Variants in SCP2 observed in about 807,000 individuals in gnomAD.
The protein encoded by SCP2 is sterol carrier protein 2, also known as SCP-2/3-oxoacyl-CoA thiolase.
SCP2 carries 48 observed loss-of-function variants against 71.4 expected under a neutral mutation model. That is an observed-to-expected ratio of 0.67 (90% CI 0.53 to 0.86). The LOEUF (loss-of-function observed/expected upper bound fraction) is 0.86. Among genes scored for constraint, SCP2 ranks in the 40% least tolerant of loss-of-function variants. The pLI, the probability that SCP2 is intolerant of heterozygous loss-of-function variation, is 0.00. For missense variants in SCP2, 560 were observed against 655.6 expected (o/e 0.85, Z 1.59); for synonymous variants, 220 against 218.1 (o/e 1.01, Z -0.08).
intron 11 of SCP2, among the ~76,000 whole-genome samples, chr1:53,005,198 C>T (rs1003374092): frequency 1.3e-5 from 2 of 152,188 alleles, no homozygotes; most frequent in East Asian, 1.9e-4. Context: ...CTTCTTGGGG[C>T]AGGGCATAGC....
intron 13 of SCP2, among the ~76,000 whole-genome samples, chr1:53,033,930 A>G: frequency 6.6e-6 from 1 of 152,176 alleles, no homozygotes; most frequent in East Asian, 1.9e-4. Flanking sequence ...TAAACAAAAC[A>G]TGTTACATCC....
chr1:53,036,019 CAA>C (rs35164089), intron 13 of SCP2, among the ~76,000 whole-genome samples: 50 of 63,286 alleles, frequency 7.9e-4, no homozygotes, highest in Admixed American at 4.5e-3. Context: ...GACTCCGTCT[CAA>C]AAAAAAAAAA....
chr1:52,991,477 T>G (rs188057152), intron 11 of SCP2, among the ~76,000 whole-genome samples: 2,112 of 152,250 alleles, frequency 0.014, 28 homozygotes, highest in Non-Finnish European at 0.017. Context: ...CTTGGCTCAC[T>G]GCAACCTCCG....
chr1:52,987,006 ATTTTT>A (rs1163545483), intron 10 of SCP2, among the ~76,000 whole-genome samples: 2,016 of 110,406 alleles, frequency 0.018, 37 homozygotes, highest in African/African-American at 0.068. Flanking sequence ...ATATATATAT[ATTTTT>A]TTTTTTTTTT....
At chr1:53,002,722 A>G (rs1660396177) in intron 11 of SCP2, among the ~76,000 whole-genome samples, 1 of 152,176 alleles carries the variant, frequency 6.6e-6, no homozygotes, top group Admixed American at 6.5e-5. Context: ...CACGTATATT[A>G]TTATTCTATC....
chr1:53,017,772 A>T (rs2150231905), intron 12 of SCP2, among the ~76,000 whole-genome samples: 1 of 152,376 alleles, frequency 6.6e-6, no homozygotes, highest in South Asian at 2.1e-4. Context: ...AAATAAAGAC[A>T]ACAAGAAGCA....
chr1:52,958,494 G>A (rs1656031231), intron 5 of SCP2, among the ~76,000 whole-genome samples: 1 of 152,120 alleles, frequency 6.6e-6, no homozygotes, highest in African/African-American at 2.4e-5. Context: ...GCCTCCTAAA[G>A]TGCTGGGATT....
In SCP2 at chr1:52,945,101, T is replaced by C. The variant is rs114586414; in HGVS notation, c.128-2908T>C. On this transcript the variant is annotated intron_variant, in intron 2 of 15. Transcript: ENST00000371514. Reference sequence around the variant, plus strand: ...AAAATTTTGACCCAGACCTAGTCACTATTAGTATCTTGGTGTTATTCTATT... The same window carrying C: ...AAAATTTTGACCCAGACCTAGTCACCATTAGTATCTTGGTGTTATTCTATT... Among the ~76,000 whole-genome samples the C allele has an allele frequency of 5.1e-3, 772 of 152,306 alleles. 4 individuals are homozygous for C. The highest frequency in any genetic ancestry group is 0.027 in the Middle Eastern group (8 of 294).
intron 11 of SCP2, among the ~76,000 whole-genome samples, chr1:53,002,902 A>G (rs1287953021): frequency 6.6e-6 from 1 of 152,228 alleles, no homozygotes; most frequent in African/African-American, 2.4e-5. Context: ...AGGTTGCCAA[A>G]ATAAATCCTA....
chr1:53,004,377 G>A (rs1660498587), intron 11 of SCP2, among the ~76,000 whole-genome samples: 2 of 151,968 alleles, frequency 1.3e-5, no homozygotes, highest in East Asian at 1.9e-4. Flanking sequence ...AGATAATTTT[G>A]TCAGGCCTCT....
chr1:52,977,126 A>G lies in SCP2; in HGVS notation c.674+357A>G, dbSNP rs546726660. ...ACTACAGGAAATTCTACTCTATAAT[A>G]GTAGCTATGAGTAAAAGTAAAACAA... On this transcript the variant is annotated intron_variant, in intron 8 of 15. Coordinates refer to ENST00000371514, the MANE Select transcript of SCP2 (RefSeq NM_002979.5). 3.3e-5 allele frequency among the ~76,000 whole-genome samples: 5 copies of G among 152,354 alleles called. No individual in the cohort carries two copies. In the South Asian group the frequency reaches 1.0e-3, roughly 32 times the overall value.
chr1:52,948,063 G>A lies in SCP2; in HGVS notation c.182G>A (p.Cys61Tyr), dbSNP rs370413647. 1 of 1,612,100 alleles carries A rather than the reference G, an allele frequency of 6.2e-7. No homozygotes were observed. Among genetic ancestry groups the A allele is most frequent in the African/African-American group, 1.3e-5 (1 of 74,904 alleles). ...QIPYSAVDQACVGYVFGDSTC... is the reference protein window; with the variant it reads ...QIPYSAVDQAYVGYVFGDSTC... Reference sequence around the variant, plus strand: ...CCTTATTCAGCAGTGGACCAGGCATGTGTTGGCTATGTTTTTGGTATGTAT... The same window carrying A: ...CCTTATTCAGCAGTGGACCAGGCATATGTTGGCTATGTTTTTGGTATGTAT... The change falls in exon 3 of 16, where the codon TGT becomes TAT. Residue 61 changes from cysteine to tyrosine, a missense_variant. Around this residue, in one of 3 missense-constraint regions of SCP2, gnomAD observed 513 missense variants for 573.1 expected, o/e 0.90. Transcript: ENST00000371514.
At chr1:53,014,768 T>C in intron 11 of SCP2, 122 bp from the exon 12 acceptor site, 1 of 1,077,762 alleles carries the variant, frequency 9.3e-7, no homozygotes. Context: ...TAAGAGAAGT[T>C]ACTATTTACA....
chr1:53,035,681 A>C (rs1013572154), intron 13 of SCP2, among the ~76,000 whole-genome samples: 1 of 151,868 alleles, frequency 6.6e-6, no homozygotes, highest in African/African-American at 2.4e-5. Flanking sequence ...GTGTATTATA[A>C]AGCTATAATA....
intron 4 of SCP2, 59 bp downstream of exon 4, chr1:52,950,945 C>A: frequency 6.6e-7 from 1 of 1,512,322 alleles, no homozygotes; most frequent in Non-Finnish European, 9.2e-7. Flanking sequence ...TTTAATCACA[C>A]GACCATCAGA....
chr1:52,955,941 T>C (rs1381565592), intron 5 of SCP2, among the ~76,000 whole-genome samples: 1 of 149,358 alleles, frequency 6.7e-6, no homozygotes, highest in Non-Finnish European at 1.5e-5. Flanking sequence ...CTTTAGGCTA[T>C]AGGAAATTAC....
At chr1:52,998,283 A>G (rs1660070867) in intron 11 of SCP2, among the ~76,000 whole-genome samples, 1 of 152,192 alleles carries the variant, frequency 6.6e-6, no homozygotes, top group South Asian at 2.1e-4. Context: ...TCTGGGTCAT[A>G]GGACAGATCT....
At chr1:52,963,833 A>G (rs540899863) in intron 6 of SCP2, 1 of 151,924 alleles carries the variant, frequency 6.6e-6, no homozygotes, top group South Asian at 2.1e-4. Context: ...ATACTATAAA[A>G]CCTCCATTCT....
intron 1 of SCP2, among the ~76,000 whole-genome samples, chr1:52,934,317 T>A (rs2124859): frequency 0.044 from 6,672 of 150,508 alleles, 510 homozygotes; most frequent in African/African-American, 0.15. Context: ...CTATTAAAAA[T>A]TTTTTTTTTG....
Sources: gnomAD v4.1 joint callset for allele counts (sites outside exome capture counted in the v4.1 genomes callset) on GRCh38, gnomAD v4.1.1 for gene constraint, gnomAD v4.1.1 regional missense constraint, MANE v1.5 for transcripts, NCBI Gene and HGNC (gene_info 2026-07-23, HGNC 2026-07-21) for gene names.